The following ANKS1B variants were observed in gnomAD, a reference collection of about 807,000 sequenced individuals.
ANKS1B encodes ankyrin repeat and sterile alpha motif domain-containing protein 1B.
In ANKS1B, 36 loss-of-function variants were observed where a neutral mutation model predicts 148.3. The ratio of observed to expected loss-of-function variants is 0.24; its 90% CI spans 0.19 to 0.32. The LOEUF (loss-of-function observed/expected upper bound fraction) is 0.32, where lower values mean the gene tolerates loss of function less well. Among genes scored for constraint, ANKS1B ranks in the 10% least tolerant of loss-of-function variants. The pLI is 1.00. For synonymous variants in ANKS1B, 542 were observed against 560.8 expected, an observed-to-expected ratio of 0.97 and a Z score of 0.47; for missense variants, 1,157 against 1,542.6, an observed-to-expected ratio of 0.75 and a Z score of 4.19.
intron 9 of ANKS1B, among the ~76,000 whole-genome samples, chr12:99,598,166 A>G (rs2097772853): frequency 1.3e-5 from 2 of 152,102 alleles, no homozygotes; most frequent in South Asian, 4.1e-4. Flanking sequence ...AATATGATGT[A>G]ACATTTTTTT....
At chr12:98,845,081 G>C (rs1473218042) in intron 17 of ANKS1B, among the ~76,000 whole-genome samples, 2 of 152,086 alleles carry the variant, frequency 1.3e-5, no homozygotes, top group Non-Finnish European at 2.9e-5. Context: ...CGTAGGAAGG[G>C]GTTTAGCAGA....
At chr12:99,311,116 T>C (rs929790832) in intron 12 of ANKS1B, among the ~76,000 whole-genome samples, 1 of 152,174 alleles carries the variant, frequency 6.6e-6, no homozygotes, top group African/African-American at 2.4e-5. Context: ...AGAAAATGTA[T>C]TTTCAGGTGG....
At chr12:99,228,552 A>T (rs1394905843) in intron 14 of ANKS1B, among the ~76,000 whole-genome samples, 1 of 152,126 alleles carries the variant, frequency 6.6e-6, no homozygotes, top group Non-Finnish European at 1.5e-5. Context: ...AGAAAAAAGG[A>T]AGCAAAATAG....
At chr12:99,234,396 T>G (rs1033825193) in intron 14 of ANKS1B, among the ~76,000 whole-genome samples, 9 of 152,264 alleles carry the variant, frequency 5.9e-5, no homozygotes, top group African/African-American at 2.2e-4. Flanking sequence ...ACCAATTGAC[T>G]GGTGCATTTA....
At chr12:98,954,835 C>G (rs573155705) in intron 17 of ANKS1B, among the ~76,000 whole-genome samples, 8 of 152,254 alleles carry the variant, frequency 5.3e-5, no homozygotes, top group Non-Finnish European at 8.8e-5. Context: ...TGTCAACAGA[C>G]TAAAAGAGGG....
intron 17 of ANKS1B, among the ~76,000 whole-genome samples, chr12:98,986,659 G>A (rs950153686): frequency 2.0e-5 from 3 of 152,098 alleles, no homozygotes; most frequent in Non-Finnish European, 2.9e-5. Flanking sequence ...CTGTCACCCA[G>A]CCTGGAGTGC....
intron 8 of ANKS1B, among the ~76,000 whole-genome samples, chr12:99,705,634 G>A (rs1018763434): frequency 6.6e-6 from 1 of 152,126 alleles, no homozygotes; most frequent in African/African-American, 2.4e-5. Context: ...ACATTTGCAT[G>A]AAATTACTGG....
At chr12:99,132,011 C>G (rs1469455878) in intron 15 of ANKS1B, among the ~76,000 whole-genome samples, 3 of 152,100 alleles carry the variant, frequency 2.0e-5, no homozygotes, top group African/African-American at 7.2e-5. Context: ...CCTCCCCTCC[C>G]CCAGCTGCCT....
At position 99,772,968 on chromosome 12, in the gene ANKS1B, C is replaced by A; in HGVS notation, c.1082G>T (p.Ser361Ile). The A allele has an allele frequency of 1.2e-6, 2 of 1,611,774 alleles. No homozygotes were observed. Among genetic ancestry groups the A allele is most frequent in the Non-Finnish European group, 1.7e-6 (2 of 1,178,856 alleles). The change falls in exon 8 of 27, where the codon AGC becomes ATC. Residue 361 changes from serine to isoleucine, a missense_variant. This residue lies in a region of ANKS1B where 661 missense variants were observed against 642.1 expected (regional missense o/e 1.03). Transcript: ENST00000683438. ...TISDHYLDNL[S>I]KISEEELGKN... ...CCCAAGTTCTTCCTCTGAAATCTTG[C>A]TCAAATTATCTAAGTAGTGGTCTGA...
At chr12:99,739,628 C>A (rs2059916239) in intron 8 of ANKS1B, among the ~76,000 whole-genome samples, 1 of 152,136 alleles carries the variant, frequency 6.6e-6, no homozygotes, top group Admixed American at 6.5e-5. Context: ...GAAAACTGCC[C>A]CTTCCACGTC....
At chr12:98,990,490 A>G (rs1298646859) in intron 17 of ANKS1B, among the ~76,000 whole-genome samples, 1 of 151,296 alleles carries the variant, frequency 6.6e-6, no homozygotes, top group Admixed American at 6.6e-5. Flanking sequence ...ATTAGGGTGT[A>G]GTATGGCCTG....
At chr12:99,121,321 A>ATGTGTATGTGTGTGTGTGTGTG (rs1555270006) in intron 15 of ANKS1B, among the ~76,000 whole-genome samples, 1 of 142,754 alleles carries the variant, frequency 7.0e-6, no homozygotes, top group Admixed American at 7.0e-5. Flanking sequence ...GTATGTAGGT[A>ATGTGTATGTGTGTGTGTGTGTG]TGTGTGTGTG....
At chr12:98,807,746 G>T in intron 20 of ANKS1B, 98 bp downstream of exon 20, 2 of 909,472 alleles carry the variant, frequency 2.2e-6, no homozygotes, top group Non-Finnish European at 3.3e-6. Context: ...CAAATTTTCT[G>T]CATTGCCAGG....
intron 17 of ANKS1B, among the ~76,000 whole-genome samples, chr12:98,865,733 G>A (rs1480783861): frequency 6.6e-6 from 1 of 152,112 alleles, no homozygotes; most frequent in Non-Finnish European, 1.5e-5. Flanking sequence ...CAAGACTTGA[G>A]GTGAGGGAGG....
intron 14 of ANKS1B, among the ~76,000 whole-genome samples, chr12:99,175,990 G>A (rs1408708244): frequency 1.3e-5 from 2 of 152,050 alleles, no homozygotes; most frequent in African/African-American, 4.8e-5. Flanking sequence ...GGGATTACAG[G>A]TGCCCATCAC....
At chr12:99,910,464 T>C (rs2093967588) in intron 1 of ANKS1B, among the ~76,000 whole-genome samples, 1 of 151,662 alleles carries the variant, frequency 6.6e-6, no homozygotes, top group African/African-American at 2.4e-5. Context: ...AGGCCACACA[T>C]TGTATGATTC....
intron 9 of ANKS1B, among the ~76,000 whole-genome samples, chr12:99,518,153 T>C (rs932981148): frequency 5.3e-5 from 8 of 152,164 alleles, no homozygotes; most frequent in African/African-American, 1.9e-4. Flanking sequence ...GCATTAATAT[T>C]AGTCAGAGAT....
At chr12:99,004,030 C>T (rs2099934620) in intron 17 of ANKS1B, among the ~76,000 whole-genome samples, 2 of 152,180 alleles carry the variant, frequency 1.3e-5, no homozygotes, top group African/African-American at 4.8e-5. Flanking sequence ...ATGCAGTTGA[C>T]AGATGACACT....
rs987261035 is a variant in ANKS1B at position 98,751,085 on chromosome 12, A to T, written c.3747+270T>A. Among the ~76,000 whole-genome samples the T allele has an allele frequency of 1.3e-5, 2 of 152,214 alleles. No individual in the cohort carries two copies. The highest frequency in any genetic ancestry group is 2.9e-5 in the Non-Finnish European group (2 of 68,030). ...TTAGGTAAGATTCACCAAGAACAGC[A>T]GTACCTGCTGCTGAGACCCTTCATA... On this transcript the variant is annotated intron_variant, in intron 26 of 26. Transcript: ENST00000683438. The surrounding 1 kb of genome is among the most constrained non-coding windows in gnomAD (Gnocchi z 4.3).
Sources: allele counts gnomAD v4.1 joint callset (sites outside exome capture counted in the v4.1 genomes callset), GRCh38; gene constraint gnomAD v4.1.1; regional missense constraint gnomAD v4.1.1; non-coding constraint Gnocchi (gnomAD v3.1); transcripts MANE v1.5; gene names NCBI Gene and HGNC (gene_info 2026-07-23, HGNC 2026-07-21).